UBTD1: variants seen among roughly 807,000 people sequenced by gnomAD.
The protein encoded by UBTD1 is ubiquitin domain-containing protein 1.
UBTD1 carries 19 observed loss-of-function variants against 21.7 expected under a neutral mutation model. That is an observed-to-expected ratio of 0.87 (90% CI 0.61 to 1.28). UBTD1 has a LOEUF of 1.28. Among genes scored for constraint, UBTD1 ranks in the 50% most tolerant of loss-of-function variants. The pLI is 0.00. For synonymous variants in UBTD1, 116 were observed against 135.1 expected, an observed-to-expected ratio of 0.86 and a Z score of 0.98; for missense variants, 282 against 315.1, an observed-to-expected ratio of 0.89 and a Z score of 0.80.
intron 1 of UBTD1, among the ~76,000 whole-genome samples, chr10:97,549,422 C>T (rs1589880273): frequency 6.6e-6 from 1 of 152,372 alleles, no homozygotes; most frequent in East Asian, 1.9e-4. Flanking sequence ...CCTAAACTGC[C>T]TGCCCATTTC....
intron 1 of UBTD1, among the ~76,000 whole-genome samples, chr10:97,562,529 A>G (rs1589884113): frequency 6.6e-6 from 1 of 152,198 alleles, no homozygotes; most frequent in Non-Finnish European, 1.5e-5. Flanking sequence ...GAATATTACA[A>G]AGTACCTTCT....
intron 1 of UBTD1, among the ~76,000 whole-genome samples, chr10:97,504,866 G>C (rs2040391845): frequency 6.6e-6 from 1 of 152,170 alleles, no homozygotes; most frequent in African/African-American, 2.4e-5. Flanking sequence ...CTTGCCCCAG[G>C]CTTGCGTAAG....
Position 97,546,589 on chromosome 10 carries a change from G to GAAA in UBTD1, c.71-21310_71-21308dup, listed in dbSNP as rs397741674. On this transcript the variant is annotated intron_variant, in intron 1 of 2. Coordinates refer to ENST00000370664, the MANE Select transcript of UBTD1 (RefSeq NM_024954.5). ...GGTGACCGAGTGTGACCCTGTCTCA[G>GAAA]AAAAAAAAAAAAAAAAAGCTGACAG... 1.3e-3 allele frequency among the ~76,000 whole-genome samples: 152 copies of GAAA among 118,100 alleles called. 8 individuals carry two copies. Among genetic ancestry groups the GAAA allele is most frequent in the Admixed American group, 2.6e-3 (28 of 10,824 alleles). The allele number at this position is 118,100 out of a possible 152,430, so 77.5% of individuals were successfully genotyped here.
chr10:97,561,251 G>T (rs2040691371), intron 1 of UBTD1, among the ~76,000 whole-genome samples: 3 of 152,116 alleles, frequency 2.0e-5, no homozygotes. Context: ...GCTCCACAGG[G>T]CAGGTCTAAG....
At position 97,504,784 on chromosome 10, in the gene UBTD1, G is replaced by A. The variant is rs887489148; in HGVS notation, c.70+5511G>A. On this transcript the variant is annotated intron_variant, in intron 1 of 2. Coordinates refer to ENST00000370664, the MANE Select transcript of UBTD1 (RefSeq NM_024954.5). ...ATCTCCTACCTTAGATGGGTGTTAA[G>A]GCAGGTATCTTAATGAAGGGACTTA... Among the ~76,000 whole-genome samples the A allele has an allele frequency of 3.3e-5, 5 of 152,208 alleles. 1 individual carries two copies. Among genetic ancestry groups the A allele is most frequent in the African/African-American group, 1.2e-4 (5 of 41,442 alleles).
intron 1 of UBTD1, among the ~76,000 whole-genome samples, chr10:97,501,735 A>AT (rs1332959602): frequency 6.6e-6 from 1 of 152,190 alleles, no homozygotes; most frequent in African/African-American, 2.4e-5. Context: ...CTTCTCTGAC[A>AT]TTAAGACCAC....
intron 1 of UBTD1, among the ~76,000 whole-genome samples, chr10:97,562,326 C>G (rs2040696627): frequency 6.6e-6 from 1 of 152,216 alleles, no homozygotes; most frequent in Non-Finnish European, 1.5e-5. Flanking sequence ...GAAGAGACCA[C>G]CAAACAGGCT....
At chr10:97,552,393 CTTTTTTTTTTTTT>C (rs60160152) in intron 1 of UBTD1, among the ~76,000 whole-genome samples, 1 of 119,860 alleles carries the variant, frequency 8.3e-6, no homozygotes. Flanking sequence ...ATTATACACC[CTTTTTTTTTTTTT>C]TTTTTTTGAA....
chr10:97,512,338 T>C (rs2040426316), intron 1 of UBTD1, among the ~76,000 whole-genome samples: 1 of 152,162 alleles, frequency 6.6e-6, no homozygotes, highest in Admixed American at 6.5e-5. Context: ...GACTCCTCCA[T>C]TTCCTCTTTG....
intron 1 of UBTD1, among the ~76,000 whole-genome samples, chr10:97,558,992 A>G (rs368402571): frequency 7.6e-4 from 116 of 152,330 alleles, no homozygotes; most frequent in African/African-American, 2.5e-3. Context: ...GTCCACCACA[A>G]TACCACCACG....
chr10:97,529,182 C>T (rs1228252071), intron 1 of UBTD1, among the ~76,000 whole-genome samples: 2 of 151,526 alleles, frequency 1.3e-5, no homozygotes, highest in Non-Finnish European at 2.9e-5. Context: ...CGGGCAGAGA[C>T]GCTCCTCACT....
intron 1 of UBTD1, among the ~76,000 whole-genome samples, chr10:97,517,389 G>A (rs1340838159): frequency 2.6e-5 from 4 of 152,106 alleles, no homozygotes; most frequent in Non-Finnish European, 4.4e-5. Context: ...TAGAGGAGGA[G>A]CTGCTGGAGA....
At chr10:97,545,067 G>T (rs993839036) in intron 1 of UBTD1, among the ~76,000 whole-genome samples, 4 of 151,928 alleles carry the variant, frequency 2.6e-5, no homozygotes, top group Non-Finnish European at 4.4e-5. Context: ...AAGCATGGTG[G>T]CTCACACCTG....
intron 1 of UBTD1, among the ~76,000 whole-genome samples, chr10:97,529,165 G>A (rs1255662450): frequency 1.1e-4 from 16 of 151,810 alleles, no homozygotes; most frequent in African/African-American, 3.9e-4. Context: ...CTCAGACGAT[G>A]GGCGGCCGGG....
chr10:97,534,758 C>T (rs1001816211), intron 1 of UBTD1, among the ~76,000 whole-genome samples: 1 of 152,184 alleles, frequency 6.6e-6, no homozygotes, highest in Non-Finnish European at 1.5e-5. Flanking sequence ...TCTTTACAAA[C>T]TTGGGCCCAT....
chr10:97,559,846 C>T (rs966577623), intron 1 of UBTD1, among the ~76,000 whole-genome samples: 2 of 152,200 alleles, frequency 1.3e-5, no homozygotes, highest in African/African-American at 2.4e-5. Flanking sequence ...TTATAATTAA[C>T]GTTTTAAAAC....
intron 2 of UBTD1, 104 bp downstream of exon 2, chr10:97,568,245 A>C: frequency 2.5e-6 from 3 of 1,209,408 alleles, no homozygotes; most frequent in Non-Finnish European, 3.5e-6. Context: ...GTGGTTACTC[A>C]CGTATTCATT....
chr10:97,523,036 A>G (rs1413455849), intron 1 of UBTD1, among the ~76,000 whole-genome samples: 1 of 152,076 alleles, frequency 6.6e-6, no homozygotes, highest in East Asian at 1.9e-4. Flanking sequence ...CTTAAGATTT[A>G]GTGTCCTTGA....
chr10:97,552,586 A>G (rs1334658439), intron 1 of UBTD1, among the ~76,000 whole-genome samples: 1 of 152,022 alleles, frequency 6.6e-6, no homozygotes, highest in Admixed American at 6.5e-5. Flanking sequence ...GTATTTTTGT[A>G]GAGATGGGTT....
Sources: gnomAD v4.1 joint callset for allele counts (sites outside exome capture counted in the v4.1 genomes callset) on GRCh38, gnomAD v4.1.1 for gene constraint, MANE v1.5 for transcripts, NCBI Gene and HGNC (gene_info 2026-07-23, HGNC 2026-07-21) for gene names.